WDR88: variants seen among roughly 807,000 people sequenced by gnomAD.
WDR88 encodes the protein WD repeat-containing protein 88.
A neutral mutation model predicts 46.8 loss-of-function variants in WDR88; 40 were observed. That is an observed-to-expected ratio of 0.86 (90% CI 0.66 to 1.11). The LOEUF is 1.11. Among genes scored for constraint, WDR88 ranks in the 50% most tolerant of loss-of-function variants. The pLI, the probability that WDR88 is intolerant of heterozygous loss-of-function variation, is 0.00. For missense variants in WDR88, 562 were observed against 602.4 expected (o/e 0.93, Z 0.70); for synonymous variants, 235 against 240.7 (o/e 0.98, Z 0.22).
chr19:33,174,850 G>C (rs928153289), intron 10 of WDR88: 2 of 985,330 alleles, frequency 2.0e-6, no homozygotes, highest in Non-Finnish European at 2.4e-6. Flanking sequence ...GAGCTGGCAG[G>C]AGACATGAGC....
chr19:33,137,182 G>A (rs1368733670), intron 1 of WDR88, among the ~76,000 whole-genome samples: 16 of 150,858 alleles, frequency 1.1e-4, no homozygotes, highest in Admixed American at 1.1e-3. Context: ...GAACTCCTAG[G>A]CTCAAGCAGT....
chr19:33,141,233 T>TTTTTTTG (rs1555724358), intron 2 of WDR88, among the ~76,000 whole-genome samples: 1 of 107,768 alleles, frequency 9.3e-6, no homozygotes, highest in Non-Finnish European at 2.0e-5. Flanking sequence ...GCATGTTTTT[T>TTTTTTTG]TTTTTTTCTT....
intron 7 of WDR88, among the ~76,000 whole-genome samples, chr19:33,159,667 T>A (rs1315289565): frequency 6.6e-6 from 1 of 152,162 alleles, no homozygotes; most frequent in Non-Finnish European, 1.5e-5. Flanking sequence ...CAGTATTCAC[T>A]AATTCAGTGT....
chr19:33,141,418 T>C (rs1350117995), intron 2 of WDR88, among the ~76,000 whole-genome samples: 1 of 151,730 alleles, frequency 6.6e-6, no homozygotes, highest in Admixed American at 6.6e-5. Flanking sequence ...TTTGTAGAGA[T>C]GGGATCTCCC....
intron 2 of WDR88, among the ~76,000 whole-genome samples, chr19:33,138,383 G>A (rs1404895684): frequency 6.7e-6 from 1 of 150,016 alleles, no homozygotes; most frequent in Non-Finnish European, 1.5e-5. Context: ...TTGAGAACAA[G>A]TGTTGCCCAG....
chr19:33,155,281 C>T (rs1332604222), intron 6 of WDR88, among the ~76,000 whole-genome samples: 4 of 152,088 alleles, frequency 2.6e-5, no homozygotes, highest in Non-Finnish European at 1.5e-5. Context: ...GCTGGGACTA[C>T]AGGCATGTGC....
chr19:33,167,553 G>A (rs1384178325), intron 9 of WDR88, among the ~76,000 whole-genome samples: 1 of 152,010 alleles, frequency 6.6e-6, no homozygotes, highest in Non-Finnish European at 1.5e-5. Flanking sequence ...ATATTGTACT[G>A]GAAGTGCTAG....
rs766958277 is a variant in WDR88 at position 33,133,198 on chromosome 19, T to TAGAGAGAG, written c.276+761_276+768dup. 1.6e-3 allele frequency among the ~76,000 whole-genome samples: 126 copies of TAGAGAGAG among 79,814 alleles called. 1 individual carries two copies. Among genetic ancestry groups the TAGAGAGAG allele is most frequent in the South Asian group, 6.1e-3 (19 of 3,104 alleles). 52.4% of individuals were successfully genotyped at this position (79,814 alleles called of 152,430 possible). A position where few individuals can be genotyped will look rare whatever the true frequency, so the allele number is the denominator to read the frequency against. On this transcript the variant is annotated intron_variant, in intron 1 of 10. Coordinates refer to ENST00000355868, the MANE Select transcript of WDR88 (RefSeq NM_173479.4). ...AAATAAATAAATAAATAAATAAATA[T>TAGAGAGAG]AGAGAGAGAGAGAGAAAGAAAGAAA... is the stretch of plus-strand genomic sequence containing the variant.
intron 1 of WDR88, among the ~76,000 whole-genome samples, chr19:33,133,194 AATAT>A (rs140377163): frequency 0.11 from 5,439 of 49,444 alleles, 247 homozygotes; most frequent in Non-Finnish European, 0.25. Context: ...TAAATAAATA[AATAT>A]AGAGAGAGAG....
chr19:33,157,679 GTATGTATGTATATATATA>G (rs1350960248), intron 7 of WDR88, among the ~76,000 whole-genome samples: 4 of 94,192 alleles, frequency 4.2e-5, no homozygotes, highest in African/African-American at 6.6e-5. Context: ...GTGTGTGTGT[GTATGTATGTATATATATA>G]TATATATATA....
In WDR88 at chr19:33,155,201, C is replaced by T. The variant is rs372940703; in HGVS notation, c.810-1154C>T. ...TGTTGCCCAGGCTGGAGTGCAATGG[C>T]ACAATCTTGGCTCACTGCAACCTCC... On this transcript the variant is annotated intron_variant, in intron 6 of 10. Transcript: ENST00000355868. Among the ~76,000 whole-genome samples the T allele has an allele frequency of 1.7e-4, 26 of 152,266 alleles. No homozygotes were observed. In the East Asian group the frequency reaches 4.8e-3, roughly 28 times the overall value.
chr19:33,163,225 C>T (rs1019148391), intron 8 of WDR88, among the ~76,000 whole-genome samples: 63 of 151,772 alleles, frequency 4.2e-4, no homozygotes, highest in African/African-American at 1.5e-3. Context: ...CCCAGCTACT[C>T]GGGAGGCTGA....
intron 1 of WDR88, among the ~76,000 whole-genome samples, chr19:33,134,793 G>A (rs1019578464): frequency 2.0e-5 from 3 of 151,596 alleles, no homozygotes; most frequent in Non-Finnish European, 2.9e-5. Flanking sequence ...CCCCCTAGAG[G>A]CGGGGTATCA....
chr19:33,141,690 G>T (rs1359782940), intron 2 of WDR88, among the ~76,000 whole-genome samples: 5 of 151,978 alleles, frequency 3.3e-5, no homozygotes, highest in Non-Finnish European at 1.5e-5. Context: ...TTGTTTGTTT[G>T]TTTTTTTGAG....
At chr19:33,174,291 C>CAGGTAAA in intron 10 of WDR88, 1 of 1,531,402 alleles carries the variant, frequency 6.5e-7, no homozygotes, top group South Asian at 1.2e-5. Flanking sequence ...CCGAGGCCTG[C>CAGGTAAA]CCCAGGTAGG....
At position 33,162,509 on chromosome 19, in the gene WDR88, G is replaced by A. The variant is rs185306913; in HGVS notation, c.1081-1688G>A. Among the ~76,000 whole-genome samples the A allele has an allele frequency of 4.5e-3, 685 of 151,540 alleles. 6 individuals carry two copies. The highest frequency in any genetic ancestry group is 0.015 in the African/African-American group (638 of 41,324). The stretch of plus-strand genomic sequence containing the variant: ...ATTACAGGCATGGAGCACCGCGCCC[G>A]GCCTGCTCTGAGCTCCTATGTACCC... On this transcript the variant is annotated intron_variant, in intron 8 of 10. Transcript: ENST00000355868.
chr19:33,169,823 T>C (rs927965656), intron 9 of WDR88, among the ~76,000 whole-genome samples: 1 of 152,230 alleles, frequency 6.6e-6, no homozygotes, highest in African/African-American at 2.4e-5. Context: ...TCCTTTGCAC[T>C]ATAAATTCAC....
At chr19:33,158,437 A>G (rs562897085) in intron 7 of WDR88, among the ~76,000 whole-genome samples, 3 of 152,112 alleles carry the variant, frequency 2.0e-5, no homozygotes, top group Non-Finnish European at 4.4e-5. Flanking sequence ...AAAAAAGAAA[A>G]AAAGAAAGAA....
At chr19:33,137,255 A>AT (rs71176200) in intron 1 of WDR88, among the ~76,000 whole-genome samples, 84 of 136,916 alleles carry the variant, frequency 6.1e-4, no homozygotes, top group Non-Finnish European at 6.7e-4. Flanking sequence ...CCCAGCCAGA[A>AT]TTTTTTTTTT....
Sources: allele counts gnomAD v4.1 joint callset (sites outside exome capture counted in the v4.1 genomes callset), GRCh38; gene constraint gnomAD v4.1.1; transcripts MANE v1.5; gene names NCBI Gene and HGNC (gene_info 2026-07-23, HGNC 2026-07-21).